The following INPP4A variants were observed in gnomAD, a reference collection of about 807,000 sequenced individuals.
INPP4A encodes inositol polyphosphate-4-phosphatase, type I, 107kD.
A neutral mutation model predicts 119.8 loss-of-function variants in INPP4A; 33 were observed. The observed-to-expected ratio is 0.28, with a 90% confidence interval of 0.21 to 0.37. INPP4A has a LOEUF of 0.37. Ranked by LOEUF, INPP4A falls within the 10% of genes least tolerant of loss-of-function variation. The pLI is 1.00. For missense variants in INPP4A, 956 were observed against 1,289.9 expected, an observed-to-expected ratio of 0.74 and a Z score of 3.97; for synonymous variants, 496 against 500.7, an observed-to-expected ratio of 0.99 and a Z score of 0.12.
chr2:98,533,284 A>G, intron 4 of INPP4A, 93 bp from the exon 5 acceptor site: 2 of 751,318 alleles, frequency 2.7e-6, no homozygotes, highest in Non-Finnish European at 4.7e-6. Flanking sequence ...AATGTCATTT[A>G]CTCTTTGTGC....
chr2:98,557,195 AAGTT>A (rs1385185959), intron 16 of INPP4A, among the ~76,000 whole-genome samples: 3 of 152,192 alleles, frequency 2.0e-5, no homozygotes, highest in African/African-American at 4.8e-5. Flanking sequence ...TTCAGTTTTA[AAGTT>A]AGTTAAGTGA....
Position 98,568,585 on chromosome 2 carries a change from C to T in INPP4A, c.2435C>T (p.Ser812Phe), listed in dbSNP as rs1156760717. Residue 812 changes from serine (S) to phenylalanine (F), a missense_variant, in exon 22 of 25, where the codon TCT becomes TTT. Ser to Phe is a radical substitution (Grantham distance 155, BLOSUM62 -2). Coordinates refer to ENST00000409851, the MANE Select transcript of INPP4A (RefSeq NM_001134225.2). ...AACCTCCCAAGGTTTGGCGATACGTCTTTACAAGAAGTCATCAACGTGGAG... is the reference window on the plus strand; with the variant it reads ...AACCTCCCAAGGTTTGGCGATACGTTTTTACAAGAAGTCATCAACGTGGAG... ...QTLAERFGDT[S>F]LQEVINVESL... 1 of 1,595,288 alleles carries T rather than the reference C, an allele frequency of 6.3e-7. No individual in the cohort carries two copies. The highest frequency in any genetic ancestry group is 8.6e-7 in the Non-Finnish European group (1 of 1,168,902).
Position 98,570,353 on chromosome 2 carries a change from A to G in INPP4A, c.2518+1685A>G, listed in dbSNP as rs1319383345. Among the ~76,000 whole-genome samples the G allele has an allele frequency of 1.3e-5, 2 of 152,196 alleles. No homozygotes were observed. Among genetic ancestry groups the G allele is most frequent in the Non-Finnish European group, 2.9e-5 (2 of 68,026 alleles). On this transcript the variant is annotated intron_variant, in intron 22 of 24. Transcript: ENST00000409851. The surrounding 1 kb of genome is among the most constrained non-coding windows in gnomAD (Gnocchi z 4.3). ...CAGCGAGGAAGAAGGGACTCAACAG[A>G]AGGCGAGAGAGAGCATCACAGGCTA...
rs1679128873 is a variant in INPP4A, at chr2:98,484,407, C to G, written c.-165-34557C>G. Among the ~76,000 whole-genome samples, 3 of 152,210 alleles carry G rather than the reference C, an allele frequency of 2.0e-5. No individual in the cohort carries two copies. The South Asian group carries it at 6.2e-4, about 32-fold the overall frequency. On this transcript the variant is annotated intron_variant, in intron 1 of 24. Coordinates refer to ENST00000409851, the MANE Select transcript of INPP4A (RefSeq NM_001134225.2). ...CCATGATCCTGCAGTCAGGGAAGACCAAGCCCCAGTTACTTTCCTGATGAG... is the reference window on the plus strand; with the variant it reads ...CCATGATCCTGCAGTCAGGGAAGACGAAGCCCCAGTTACTTTCCTGATGAG...
Position 98,509,792 on chromosome 2 carries a change from A to G in INPP4A, c.-165-9172A>G, listed in dbSNP as rs148364037. ...TAAAGCACTTTTTTCAGGGCAACTTATTTTCAAACTGCTTCTTACAGAAAA... is the reference window on the plus strand; with the variant it reads ...TAAAGCACTTTTTTCAGGGCAACTTGTTTTCAAACTGCTTCTTACAGAAAA... On this transcript the variant is annotated intron_variant, in intron 1 of 24. Coordinates refer to ENST00000409851, the MANE Select transcript of INPP4A (RefSeq NM_001134225.2). 2.1e-3 allele frequency among the ~76,000 whole-genome samples: 322 copies of G among 152,254 alleles called. 4 individuals are homozygous for G. The highest frequency in any genetic ancestry group is 5.8e-4 in the East Asian group (3 of 5,184).
At chr2:98,542,714 C>T (rs1278465473) in intron 10 of INPP4A, among the ~76,000 whole-genome samples, 1 of 151,280 alleles carries the variant, frequency 6.6e-6, no homozygotes, top group Non-Finnish European at 1.5e-5. Flanking sequence ...AGCTGTTCTT[C>T]ATTGCTGAGC....
In INPP4A at chr2:98,566,013, C is replaced by T. The variant is rs754237086; in HGVS notation, c.2280-16C>T. 1.0e-5 allele frequency: 16 copies of T among 1,602,366 alleles called. No homozygotes were observed. In the East Asian group the frequency reaches 2.9e-4, roughly 30 times the overall value. On this transcript the variant is annotated splice_polypyrimidine_tract_variant and intron_variant, in intron 20 of 24. Coordinates refer to ENST00000409851, the MANE Select transcript of INPP4A (RefSeq NM_001134225.2). The surrounding 1 kb of genome is among the most constrained non-coding windows in gnomAD (Gnocchi z 4.2). ...TCTGGCCTCACACTGCTCTCCCTCT[C>T]TCCACCTTTCTCCAGCGACGGGTTT...
chr2:98,581,075 G>T (rs894111270), intron 24 of INPP4A, among the ~76,000 whole-genome samples: 1 of 152,196 alleles, frequency 6.6e-6, no homozygotes, highest in South Asian at 2.1e-4. Context: ...TGTTTGCGTG[G>T]TTGATCAAGA....
At position 98,587,584 on chromosome 2, in the gene INPP4A, GACTT is replaced by G; in HGVS notation, c.2898_2901del (p.Tyr967GlufsTer13). The G allele has an allele frequency of 6.3e-7, 1 of 1,599,140 alleles. No individual in the cohort carries two copies. Among genetic ancestry groups the G allele is most frequent in the South Asian group, 1.2e-5 (1 of 86,700 alleles). On this transcript the variant is annotated frameshift_variant, in exon 25 of 25. Coordinates refer to ENST00000409851, the MANE Select transcript of INPP4A (RefSeq NM_001134225.2). LOFTEE classifies it high-confidence loss of function. ...CCAAGCATTACAGGCCTCCCGAAGG[GACTT>G]ACGGAAAAGTTGAAACGTGAACACA...
At chr2:98,529,093 A>T (rs1021768040) in intron 4 of INPP4A, among the ~76,000 whole-genome samples, 7 of 152,004 alleles carry the variant, frequency 4.6e-5, no homozygotes, top group African/African-American at 1.7e-4. Context: ...AAAAAAAAAA[A>T]AATTTCTATT....
chr2:98,451,726 G>A (rs907989342), intron 1 of INPP4A, among the ~76,000 whole-genome samples: 2 of 152,080 alleles, frequency 1.3e-5, no homozygotes, highest in Non-Finnish European at 2.9e-5. Context: ...CTCTCATGTT[G>A]CTTGCATCTC....
rs1048708646 is a variant in INPP4A at position 98,592,057 on chromosome 2, A to G, written c.*4449A>G. 10 of 152,224 alleles carry G rather than the reference A, an allele frequency of 6.6e-5. No individual in the cohort carries two copies. Among genetic ancestry groups the G allele is most frequent in the Admixed American group, 6.5e-4 (10 of 15,278 alleles). The allele number at this position is 152,224 out of a possible 1,614,324, so 9.4% of individuals were successfully genotyped here. On this transcript the variant is annotated 3_prime_UTR_variant, in exon 25 of 25. Coordinates refer to ENST00000409851, the MANE Select transcript of INPP4A (RefSeq NM_001134225.2). ...TATTGGGAACACATGGACAGAAGGA[A>G]CTGGCCTCACATGCCATCGTGTTCC...
At chr2:98,542,624 C>T (rs1025595802) in intron 10 of INPP4A, among the ~76,000 whole-genome samples, 1 of 152,090 alleles carries the variant, frequency 6.6e-6, no homozygotes. Context: ...CCTTTTATAC[C>T]TTCCCAGTCC....
At chr2:98,467,103 T>C (rs1674941099) in intron 1 of INPP4A, among the ~76,000 whole-genome samples, 1 of 152,024 alleles carries the variant, frequency 6.6e-6, no homozygotes, top group Admixed American at 6.6e-5. Flanking sequence ...TGTGCTGAGC[T>C]CACATGGCGA....
chr2:98,548,537 G>A (rs556710255), intron 13 of INPP4A, among the ~76,000 whole-genome samples: 3 of 152,198 alleles, frequency 2.0e-5, no homozygotes, highest in Non-Finnish European at 4.4e-5. Flanking sequence ...CCTTCTGGGG[G>A]TCTTTGTCCC....
At chr2:98,574,534 C>T (rs991090915) in intron 23 of INPP4A, among the ~76,000 whole-genome samples, 5 of 151,278 alleles carry the variant, frequency 3.3e-5, no homozygotes, top group South Asian at 4.2e-4. Context: ...GCTACTCGGG[C>T]GGCTGAGGTA....
intron 1 of INPP4A, among the ~76,000 whole-genome samples, chr2:98,508,757 G>A (rs1467807069): frequency 6.6e-6 from 1 of 152,228 alleles, no homozygotes; most frequent in East Asian, 1.9e-4. Flanking sequence ...CTTGCCTGTT[G>A]TAGGAGAGAG....
chr2:98,565,338 C>T (rs1438889476), intron 19 of INPP4A, among the ~76,000 whole-genome samples: 1 of 152,180 alleles, frequency 6.6e-6, no homozygotes, highest in Non-Finnish European at 1.5e-5. Flanking sequence ...GCTGGCTTTG[C>T]TTTCTGAGTT....
chr2:98,564,121 C>G (rs1696005749), intron 18 of INPP4A, among the ~76,000 whole-genome samples: 1 of 152,092 alleles, frequency 6.6e-6, no homozygotes, highest in Non-Finnish European at 1.5e-5. Context: ...TGCCAGTAAT[C>G]AAATTAGTAA....
Sources: gnomAD v4.1 joint callset for allele counts (sites outside exome capture counted in the v4.1 genomes callset) on GRCh38, gnomAD v4.1.1 for gene constraint, Gnocchi (gnomAD v3.1) non-coding constraint, MANE v1.5 for transcripts, NCBI Gene and HGNC (gene_info 2026-07-23, HGNC 2026-07-21) for gene names.